GRB10: variants seen among roughly 807,000 people sequenced by gnomAD.
The protein encoded by GRB10 is growth factor receptor bound protein 10, also known as growth factor receptor-bound protein 10.
In GRB10, 20 loss-of-function variants were observed where a neutral mutation model predicts 80.9. The observed-to-expected ratio is 0.25, with a 90% CI of 0.17 to 0.36. The LOEUF (loss-of-function observed/expected upper bound fraction) is 0.36, where lower values mean the gene tolerates loss of function less well. GRB10 is among the 10% of genes least tolerant of loss of function. The pLI, the probability that GRB10 is intolerant of heterozygous loss-of-function variation, is 1.00. For synonymous variants in GRB10, 291 were observed against 291.5 expected, an observed-to-expected ratio of 1.00 and a Z score of 0.02; for missense variants, 548 against 747.7, an observed-to-expected ratio of 0.73 and a Z score of 3.12.
chr7:50,748,003 C>T (rs771256926), intron 3 of GRB10, among the ~76,000 whole-genome samples: 5 of 152,054 alleles, frequency 3.3e-5, no homozygotes, highest in African/African-American at 1.2e-4. Flanking sequence ...AGGACACATG[C>T]GTGCAGGTGG....
intron 3 of GRB10, among the ~76,000 whole-genome samples, chr7:50,732,570 T>G (rs982012844): frequency 1.3e-5 from 2 of 152,172 alleles, no homozygotes; most frequent in African/African-American, 4.8e-5. Context: ...AGAGGTCATC[T>G]GTGAGGTCAA....
At chr7:50,748,277 G>A (rs142816248) in intron 3 of GRB10, among the ~76,000 whole-genome samples, 94 of 152,308 alleles carry the variant, frequency 6.2e-4, no homozygotes, top group Middle Eastern at 3.4e-3. Flanking sequence ...GGCCCATGAC[G>A]GAGTAGCCAT....
At chr7:50,604,755 C>G (rs1328840316) in intron 15 of GRB10, among the ~76,000 whole-genome samples, 1 of 152,198 alleles carries the variant, frequency 6.6e-6, no homozygotes, top group African/African-American at 2.4e-5. Flanking sequence ...CCTTCTTTTT[C>G]CCATCCCCTG....
At chr7:50,617,930 C>G in intron 10 of GRB10, 141 bp downstream of exon 10, 4 of 770,614 alleles carry the variant, frequency 5.2e-6, no homozygotes, top group Non-Finnish European at 2.3e-6. Context: ...CTCCCCCCAA[C>G]CACCCCTCCG....
chr7:50,628,390 T>C (rs935957093), intron 7 of GRB10, among the ~76,000 whole-genome samples: 27 of 152,112 alleles, frequency 1.8e-4, no homozygotes, highest in African/African-American at 6.5e-4. Context: ...TTGATTTCTG[T>C]GGCCGGCGTG....
chr7:50,730,224 G>A (rs930256312), intron 4 of GRB10, among the ~76,000 whole-genome samples: 8 of 152,106 alleles, frequency 5.3e-5, no homozygotes, highest in African/African-American at 1.7e-4. Flanking sequence ...CCAACAGCAG[G>A]ATGATTAAAT....
chr7:50,623,636 G>T (rs551406667), intron 8 of GRB10, among the ~76,000 whole-genome samples: 1 of 152,150 alleles, frequency 6.6e-6, no homozygotes, highest in Non-Finnish European at 1.5e-5. Context: ...CTTTTCTCCC[G>T]CAGAAAGGGA....
chr7:50,649,526 C>CG (rs1300059646), intron 7 of GRB10, among the ~76,000 whole-genome samples: 3 of 152,182 alleles, frequency 2.0e-5, no homozygotes, highest in African/African-American at 7.2e-5. Context: ...GAATGGAGAA[C>CG]GGGACTGTAC....
At chr7:50,755,559 C>A (rs964287390) in intron 3 of GRB10, among the ~76,000 whole-genome samples, 4 of 152,122 alleles carry the variant, frequency 2.6e-5, no homozygotes, top group African/African-American at 9.7e-5. Flanking sequence ...GGCAGCATCA[C>A]CCCCACCATA....
At chr7:50,685,533 G>A (rs1488257685) in intron 5 of GRB10, among the ~76,000 whole-genome samples, 2 of 152,226 alleles carry the variant, frequency 1.3e-5, no homozygotes, top group African/African-American at 4.8e-5. Context: ...TGAAGGATGA[G>A]TGGGAAGTCA....
chr7:50,609,933 A>G (rs1461035570), intron 13 of GRB10, among the ~76,000 whole-genome samples: 1 of 152,184 alleles, frequency 6.6e-6, no homozygotes, highest in Admixed American at 6.5e-5. Flanking sequence ...AGATTTATTC[A>G]TTTTTTTCAA....
At chr7:50,742,271 G>GCGCGCA (rs1189043181) in intron 3 of GRB10, among the ~76,000 whole-genome samples, 37 of 46,862 alleles carry the variant, frequency 7.9e-4, no homozygotes, top group Non-Finnish European at 1.2e-3. Flanking sequence ...ACGCGCGCGC[G>GCGCGCA]CACACACACA....
chr7:50,637,472 G>T (rs2465529), intron 7 of GRB10, among the ~76,000 whole-genome samples: 80,118 of 151,780 alleles, frequency 0.53, 21,259 homozygotes, highest in Admixed American at 0.54. Flanking sequence ...CACATAATAC[G>T]TAACAATACA....
upstream of GRB10, among the ~76,000 whole-genome samples, chr7:50,783,208 A>C (rs2078492240): frequency 6.6e-6 from 1 of 151,884 alleles, no homozygotes; most frequent in Non-Finnish European, 1.5e-5. Flanking sequence ...GGCCAGTTCT[A>C]CTCTTCCAGG....
rs762405546 is a variant in GRB10 at position 50,703,817 on chromosome 7, T to C, written c.139+4A>G. ...AGTGTTCTTGTGTTTTGCTCATTCC[T>C]TACCCTGGTGATTCGCAAGTCGGTC... On this transcript the variant is annotated splice_donor_region_variant and intron_variant, in intron 5 of 18. Transcript: ENST00000401949. 14 of 1,610,294 alleles carry C rather than the reference T, an allele frequency of 8.7e-6. No homozygotes were observed. The highest frequency in any genetic ancestry group is 1.0e-5 in the Non-Finnish European group (12 of 1,177,040).
intron 7 of GRB10, among the ~76,000 whole-genome samples, chr7:50,631,527 T>G (rs2054002995): frequency 6.6e-6 from 1 of 152,232 alleles, no homozygotes; most frequent in Admixed American, 6.5e-5. Flanking sequence ...TAGGATGTAA[T>G]GTAAAATGGA....
rs183981165 is a variant in GRB10 at position 50,610,532 on chromosome 7, G to A, written c.1194+2209C>T. ...AAGAGGAATGCATTCAGAACTCACGGCAGCTTCCAGGTGGCTCTAGGGAGG... is the reference window on the plus strand; with the variant it reads ...AAGAGGAATGCATTCAGAACTCACGACAGCTTCCAGGTGGCTCTAGGGAGG... On this transcript the variant is annotated intron_variant, in intron 13 of 18. Coordinates refer to ENST00000401949, the MANE Select transcript of GRB10 (RefSeq NM_001350814.2). Among the ~76,000 whole-genome samples, 350 of 152,314 alleles carry A rather than the reference G, an allele frequency of 2.3e-3. 2 individuals carry two copies. The highest frequency in any genetic ancestry group is 6.8e-3 in the Middle Eastern group (2 of 294).
intron 17 of GRB10, 147 bp downstream of exon 17, chr7:50,603,851 A>G: frequency 1.3e-6 from 1 of 794,864 alleles, no homozygotes; most frequent in Middle Eastern, 2.2e-4. Context: ...CGTACCACTT[A>G]TACCTCTAGC....
At chr7:50,734,908 C>A (rs1280259550) in intron 3 of GRB10, among the ~76,000 whole-genome samples, 1 of 152,176 alleles carries the variant, frequency 6.6e-6, no homozygotes, top group African/African-American at 2.4e-5. Flanking sequence ...GACAAAGACG[C>A]CAACTTTCAC....
Sources: gnomAD v4.1 joint callset for allele counts (sites outside exome capture counted in the v4.1 genomes callset) on GRCh38, gnomAD v4.1.1 for gene constraint, MANE v1.5 for transcripts, NCBI Gene and HGNC (gene_info 2026-07-23, HGNC 2026-07-21) for gene names.